The following PLCXD2 variants were observed in gnomAD, a reference collection of about 807,000 sequenced individuals.
The protein encoded by PLCXD2 is PI-PLC X domain-containing protein 2.
PLCXD2 carries 21 observed loss-of-function variants against 28.6 expected under a neutral mutation model. The ratio of observed to expected loss-of-function variants is 0.73; its 90% CI spans 0.52 to 1.06. The LOEUF (loss-of-function observed/expected upper bound fraction) is 1.06. Among genes scored for constraint, PLCXD2 ranks in the 50% least tolerant of loss-of-function variants. The pLI, the probability that PLCXD2 is intolerant of heterozygous loss-of-function variation, is 0.00. For missense variants in PLCXD2, 369 were observed against 376.7 expected, an observed-to-expected ratio of 0.98 and a Z score of 0.17; for synonymous variants, 140 against 150.1, an observed-to-expected ratio of 0.93 and a Z score of 0.49.
chr3:111,678,441 C>T (rs184285338), intron 1 of PLCXD2, among the ~76,000 whole-genome samples: 2 of 152,344 alleles, frequency 1.3e-5, no homozygotes, highest in Non-Finnish European at 2.9e-5. Context: ...GTGATATTCT[C>T]TATGGACAAA....
chr3:111,697,002 C>G (rs1337241929), intron 1 of PLCXD2, among the ~76,000 whole-genome samples: 1 of 152,062 alleles, frequency 6.6e-6, no homozygotes, highest in Non-Finnish European at 1.5e-5. Flanking sequence ...TAAGATGGGC[C>G]AGTTTTAGTG....
Position 111,725,330 on chromosome 3 carries a change from C to T in PLCXD2, c.867-7289C>T, listed in dbSNP as rs1941401441. 3 of 294,492 alleles carry T rather than the reference C, an allele frequency of 1.0e-5. No homozygotes were observed. The Admixed American group carries it at 1.5e-4, about 15-fold the overall frequency. 18.2% of individuals were successfully genotyped at this position (294,492 alleles called of 1,614,324 possible). A position where few individuals can be genotyped will look rare whatever the true frequency, so the allele number is the denominator to read the frequency against. ...TGTTCCAGGATATCTTGGCCCTCTGCCTCTGGCTGCTCCCTGGTGTTTGGC... is the reference window on the plus strand; with the variant it reads ...TGTTCCAGGATATCTTGGCCCTCTGTCTCTGGCTGCTCCCTGGTGTTTGGC... On this transcript the variant is annotated intron_variant, in intron 3 of 4. Coordinates refer to ENST00000477665, the MANE Select transcript of PLCXD2 (RefSeq NM_001185106.1).
intron 3 of PLCXD2, chr3:111,726,022 T>C: frequency 2.6e-6 from 1 of 390,688 alleles, no homozygotes; most frequent in Non-Finnish European, 4.5e-6. Context: ...AAATGCATTA[T>C]TCTACCCCTC....
intron 3 of PLCXD2, chr3:111,725,489 G>A (rs1044508342): frequency 5.5e-5 from 22 of 396,684 alleles, no homozygotes; most frequent in Middle Eastern, 1.3e-3. Flanking sequence ...CCCAAGGGAC[G>A]CTCTCCGTAG....
chr3:111,721,546 C>T (rs1180832793), intron 3 of PLCXD2: 1 of 152,226 alleles, frequency 6.6e-6, no homozygotes, highest in Non-Finnish European at 1.5e-5. Context: ...CAGAAACATG[C>T]TTCCCAGTTT....
intron 3 of PLCXD2, among the ~76,000 whole-genome samples, chr3:111,716,111 T>C (rs1053442909): frequency 5.3e-5 from 8 of 152,338 alleles, no homozygotes; most frequent in African/African-American, 1.7e-4. Flanking sequence ...GATACTTTCT[T>C]TGGCATCTCG....
chr3:111,703,270 G>A, intron 1 of PLCXD2, among the ~76,000 whole-genome samples: 1 of 152,164 alleles, frequency 6.6e-6, no homozygotes, highest in Non-Finnish European at 1.5e-5. Flanking sequence ...TGGGGCTGGG[G>A]AAATGAAAAG....
chr3:111,698,922 G>A (rs547086227), intron 1 of PLCXD2, among the ~76,000 whole-genome samples: 1 of 152,148 alleles, frequency 6.6e-6, no homozygotes, highest in Non-Finnish European at 1.5e-5. Flanking sequence ...GTACATAGAA[G>A]AATAAGATTT....
At chr3:111,700,260 A>G (rs1447900333) in intron 1 of PLCXD2, among the ~76,000 whole-genome samples, 1 of 152,234 alleles carries the variant, frequency 6.6e-6, no homozygotes, top group East Asian at 1.9e-4. Flanking sequence ...GGATTTTTGT[A>G]TGCACACAGA....
At chr3:111,726,626 T>C (rs1314508750) in intron 3 of PLCXD2, 1 of 152,242 alleles carries the variant, frequency 6.6e-6, no homozygotes, top group Non-Finnish European at 1.5e-5. Flanking sequence ...TTCTTGATAT[T>C]CTGAAATGTA....
At chr3:111,720,399 T>A (rs1251013719) in intron 3 of PLCXD2, among the ~76,000 whole-genome samples, 1 of 152,000 alleles carries the variant, frequency 6.6e-6, no homozygotes, top group East Asian at 1.9e-4. Flanking sequence ...CCCCCCAAAG[T>A]GCCGGGATTA....
intron 3 of PLCXD2, chr3:111,722,044 CCTT>C (rs1247404395): frequency 1.3e-5 from 2 of 152,158 alleles, no homozygotes; most frequent in Non-Finnish European, 1.5e-5. Context: ...CATTTCCAGT[CCTT>C]CTCTTGATGG....
intron 3 of PLCXD2, among the ~76,000 whole-genome samples, chr3:111,720,204 CTTTTTCT>C (rs969393478): frequency 6.6e-6 from 1 of 151,994 alleles, no homozygotes; most frequent in African/African-American, 2.4e-5. Context: ...CTTAGTTTTT[CTTTTTCT>C]TTTTTCTTTT....
In PLCXD2 at chr3:111,713,880, A is replaced by T. The variant is rs1348722003; in HGVS notation, c.625-7A>T. ...TTGCTCTCCTTTTTGTGTTTTGAATATTTCAGGTTCTTATTTTCTACCACT... is the reference window on the plus strand; with the variant it reads ...TTGCTCTCCTTTTTGTGTTTTGAATTTTTCAGGTTCTTATTTTCTACCACT... On this transcript the variant is annotated splice_region_variant and splice_polypyrimidine_tract_variant and intron_variant, in intron 2 of 4. Transcript: ENST00000477665. 6.2e-7 allele frequency: 1 copy of T among 1,608,534 alleles called. No homozygotes were observed. Among genetic ancestry groups the T allele is most frequent in the Admixed American group, 1.7e-5 (1 of 59,706 alleles).
intron 3 of PLCXD2, among the ~76,000 whole-genome samples, chr3:111,715,979 T>C (rs112272255): frequency 8.5e-5 from 13 of 152,240 alleles, no homozygotes; most frequent in African/African-American, 3.1e-4. Context: ...AAGTGAAACA[T>C]TGGCTCTTTC....
At chr3:111,675,557 C>A in intron 1 of PLCXD2, 149 bp downstream of exon 1, 1 of 863,074 alleles carries the variant, frequency 1.2e-6, no homozygotes, top group Non-Finnish European at 1.9e-6. Flanking sequence ...ACTGAAGCAG[C>A]TGCTTTAAAG....
chr3:111,683,385 C>T (rs1022958958), intron 1 of PLCXD2, among the ~76,000 whole-genome samples: 3 of 152,104 alleles, frequency 2.0e-5, no homozygotes, highest in Admixed American at 2.0e-4. Context: ...TCCTAATGAG[C>T]CTTATATGCC....
intron 1 of PLCXD2, chr3:111,677,300 C>T (rs1466231897): frequency 6.6e-6 from 1 of 152,140 alleles, no homozygotes; most frequent in Non-Finnish European, 1.5e-5. Context: ...CATGGACTTC[C>T]CCCTACTAGT....
Position 111,675,208 on chromosome 3 carries a change from G to T in PLCXD2, c.-38G>T. On this transcript the variant is annotated 5_prime_UTR_variant, in exon 1 of 5. Coordinates refer to ENST00000477665, the MANE Select transcript of PLCXD2 (RefSeq NM_001185106.1). ...AGAAGTGATGATCACTGAGTGAGTG[G>T]CACTGGGCTGAGACTGGCCAGTTTG... 6.3e-7 allele frequency: 1 copy of T among 1,599,948 alleles called. No homozygotes were observed. Among genetic ancestry groups the T allele is most frequent in the Non-Finnish European group, 8.5e-7 (1 of 1,170,094 alleles).
Sources: allele counts gnomAD v4.1 joint callset (sites outside exome capture counted in the v4.1 genomes callset), GRCh38; gene constraint gnomAD v4.1.1; transcripts MANE v1.5; gene names NCBI Gene and HGNC (gene_info 2026-07-23, HGNC 2026-07-21).